The following ASAH2B variants were observed in gnomAD, a reference collection of about 807,000 sequenced individuals.
ASAH2B encodes putative inactive neutral ceramidase B.
ASAH2B carries 1 observed loss-of-function variant against 2.9 expected under a neutral mutation model. That is an observed-to-expected ratio of 0.34 (90% CI 0.12 to 1.63). The LOEUF (loss-of-function observed/expected upper bound fraction) is 1.63, where lower values mean the gene tolerates loss of function less well. Ranked by LOEUF, ASAH2B falls within the 40% of genes most tolerant of loss-of-function variation. ASAH2B has a pLI of 0.36. For missense variants in ASAH2B, 9 were observed against 37.7 expected (o/e 0.24, Z 1.99); for synonymous variants, 4 against 13.3 (o/e 0.30, Z 1.52).
intron 1 of ASAH2B, among the ~76,000 whole-genome samples, chr10:50,740,215 T>C (rs1400547277): frequency 2.6e-5 from 4 of 151,892 alleles, no homozygotes; most frequent in Middle Eastern, 3.4e-3. Context: ...CCGGGAGACG[T>C]CGTTTCCTGG....
intron 3 of ASAH2B, among the ~76,000 whole-genome samples, chr10:50,749,055 G>A (rs1257062817): frequency 1.3e-5 from 2 of 149,986 alleles, no homozygotes; most frequent in Middle Eastern, 3.4e-3. Flanking sequence ...GAGGTGTGAG[G>A]AATTATCAAG....
At chr10:50,743,761 A>G (rs1190174833) in intron 2 of ASAH2B, 1 of 150,574 alleles carries the variant, frequency 6.6e-6, no homozygotes, top group Non-Finnish European at 1.5e-5. Flanking sequence ...CAAACAAGAT[A>G]AAGAGCTTAA....
At chr10:50,745,943 A>G (rs1839899110) in intron 3 of ASAH2B, among the ~76,000 whole-genome samples, 2 of 151,200 alleles carry the variant, frequency 1.3e-5, no homozygotes, top group Non-Finnish European at 2.9e-5. Flanking sequence ...GAATGGCTCA[A>G]CTGAGCTAAT....
chr10:50,748,932 C>A (rs1348755040), intron 3 of ASAH2B, among the ~76,000 whole-genome samples: 2 of 151,920 alleles, frequency 1.3e-5, no homozygotes, highest in African/African-American at 4.8e-5. Flanking sequence ...GCCACTCCAT[C>A]TCTTATAAAA....
In ASAH2B at chr10:50,756,985, A is replaced by C. The variant is rs946164505; in HGVS notation, c.*2245A>C. 1 of 151,680 alleles carries C rather than the reference A, an allele frequency of 6.6e-6. No individual in the cohort carries two copies. Among genetic ancestry groups the C allele is most frequent in the African/African-American group, 2.4e-5 (1 of 41,378 alleles). 9.4% of individuals were successfully genotyped at this position (151,680 alleles called of 1,614,324 possible). ...GGCAGATTGGGTAGGTAGGAGAACAATTTTGGAGATTTTGTTTCTCATGTT... is the reference window on the plus strand; with the variant it reads ...GGCAGATTGGGTAGGTAGGAGAACACTTTTGGAGATTTTGTTTCTCATGTT... On this transcript the variant is annotated 3_prime_UTR_variant, in exon 6 of 6. Coordinates refer to ENST00000647317, the MANE Select transcript of ASAH2B (RefSeq NM_001321958.2).
intron 2 of ASAH2B, among the ~76,000 whole-genome samples, chr10:50,744,332 C>T (rs1236198313): frequency 1.3e-5 from 2 of 151,352 alleles, no homozygotes; most frequent in Non-Finnish European, 2.9e-5. Context: ...TCTGGTCAAG[C>T]ACCTTAAAAC....
In ASAH2B at chr10:50,744,315, A is replaced by T. The variant is rs1913238; in HGVS notation, c.-3-813A>T. Among the ~76,000 whole-genome samples the T allele has an allele frequency of 3.2e-4, 48 of 151,544 alleles. No individual in the cohort carries two copies. The East Asian group carries it at 3.9e-3, about 12-fold the overall frequency. ...AATTTGGTGGAAATTTGTTTTACAG[A>T]CAAATTTCTGGTCAAGCACCTTAAA... On this transcript the variant is annotated intron_variant, in intron 2 of 5. Coordinates refer to ENST00000647317, the MANE Select transcript of ASAH2B (RefSeq NM_001321958.2).
chr10:50,748,961 A>G (rs1839946722), intron 3 of ASAH2B, among the ~76,000 whole-genome samples: 1 of 151,990 alleles, frequency 6.6e-6, no homozygotes, highest in Non-Finnish European at 1.5e-5. Context: ...TTAACTATAA[A>G]TGTAAGCATA....
intron 2 of ASAH2B, 76 bp downstream of exon 2, chr10:50,743,086 AAG>A (rs1441058705): frequency 3.3e-6 from 5 of 1,493,838 alleles, no homozygotes; most frequent in East Asian, 4.5e-5. Flanking sequence ...GTGTCTGGGT[AAG>A]AGGGAAGTGA....
intron 5 of ASAH2B, among the ~76,000 whole-genome samples, chr10:50,753,191 A>C (rs1228081791): frequency 4.9e-5 from 7 of 143,266 alleles, no homozygotes; most frequent in African/African-American, 7.9e-5. Flanking sequence ...AAGTCTATAA[A>C]TTTAACATTC....
At chr10:50,746,885 A>G (rs1839915701) in intron 3 of ASAH2B, among the ~76,000 whole-genome samples, 1 of 150,972 alleles carries the variant, frequency 6.6e-6, no homozygotes, top group Non-Finnish European at 1.5e-5. Flanking sequence ...TGAGTACCTT[A>G]TATCTTTTGG....
chr10:50,758,666 T>C lies in ASAH2B; in HGVS notation c.*3926T>C, dbSNP rs1325571075. 1 of 152,136 alleles carries C rather than the reference T, an allele frequency of 6.6e-6. No individual in the cohort carries two copies. Among genetic ancestry groups the C allele is most frequent in the African/African-American group, 2.4e-5 (1 of 41,460 alleles). 9.4% of individuals were successfully genotyped at this position (152,136 alleles called of 1,614,324 possible). ...TAATGACGAAAAAAATTGCTTTCTG[T>C]ATTGCAAAATGTATACGTTCCTTTA... is the stretch of plus-strand genomic sequence containing the variant. On this transcript the variant is annotated 3_prime_UTR_variant, in exon 6 of 6. Transcript: ENST00000647317.
intron 3 of ASAH2B, among the ~76,000 whole-genome samples, chr10:50,747,665 AC>A (rs1839927850): frequency 6.6e-6 from 1 of 151,440 alleles, no homozygotes; most frequent in Non-Finnish European, 1.5e-5. Flanking sequence ...TATTGAGGTG[AC>A]AATGTGGTTT....
At chr10:50,747,190 T>C (rs1431972919) in intron 3 of ASAH2B, among the ~76,000 whole-genome samples, 1 of 151,054 alleles carries the variant, frequency 6.6e-6, no homozygotes, top group Non-Finnish European at 1.5e-5. Context: ...TTATATTTCC[T>C]TCTTCTGCAT....
chr10:50,754,926 GTGTGTGTGT>G lies in ASAH2B; in HGVS notation c.*187_*195del, dbSNP rs1837049397. Reference sequence around the variant, plus strand: ...TGTGTGTGTGTGTGTGTGTGTGTGTGTGTGTGTGTGTATGTGAGAGAGAGAGAGAGAGAG... The same window carrying G: ...TGTGTGTGTGTGTGTGTGTGTGTGTGGTATGTGAGAGAGAGAGAGAGAGAG... On this transcript the variant is annotated 3_prime_UTR_variant, in exon 6 of 6. Transcript: ENST00000647317. 3.3e-6 allele frequency: 1 copy of G among 305,340 alleles called. No individual in the cohort carries two copies. The highest frequency in any genetic ancestry group is 6.4e-6 in the Non-Finnish European group (1 of 156,836). The allele number at this position is 305,340 out of a possible 1,614,324, so 18.9% of individuals were successfully genotyped here. A position where few individuals can be genotyped will look rare whatever the true frequency, so the allele number is the denominator to read the frequency against.
intron 1 of ASAH2B, among the ~76,000 whole-genome samples, chr10:50,740,626 G>A (rs570348836): frequency 2.6e-5 from 4 of 152,328 alleles, no homozygotes; most frequent in African/African-American, 9.6e-5. Context: ...CACTGGCACA[G>A]TGGCTAGCAC....
intron 4 of ASAH2B, among the ~76,000 whole-genome samples, chr10:50,749,728 AG>A (rs1353727702): frequency 6.6e-5 from 10 of 152,100 alleles, no homozygotes; most frequent in Non-Finnish European, 1.2e-4. Context: ...TTTCAGTCAA[AG>A]ATGAACTGCA....
In ASAH2B at chr10:50,742,925, A is replaced by G; in HGVS notation, c.-89A>G. 1 of 1,614,012 alleles carries G rather than the reference A, an allele frequency of 6.2e-7. No individual in the cohort carries two copies. The highest frequency in any genetic ancestry group is 1.1e-5 in the South Asian group (1 of 91,078). On this transcript the variant is annotated 5_prime_UTR_variant, in exon 2 of 6. In the 5' UTR this introduces an upstream ATG that the reference lacks. Coordinates refer to ENST00000647317, the MANE Select transcript of ASAH2B (RefSeq NM_001321958.2). ...CTGCCTTTCCTGCAGGCTCAGCGAT[A>G]TGAGGCAGCATCGACAATTTATGGA...
At chr10:50,740,983 A>G (rs935243481) in intron 1 of ASAH2B, among the ~76,000 whole-genome samples, 7 of 152,206 alleles carry the variant, frequency 4.6e-5, no homozygotes, top group Non-Finnish European at 8.8e-5. Flanking sequence ...CTGCGATCCT[A>G]TTGGAAGTTC....
Sources: allele counts gnomAD v4.1 joint callset (sites outside exome capture counted in the v4.1 genomes callset), GRCh38; gene constraint gnomAD v4.1.1; transcripts MANE v1.5; gene names NCBI Gene and HGNC (gene_info 2026-07-23, HGNC 2026-07-21).